ZNF318: variants seen among roughly 807,000 people sequenced by gnomAD.
ZNF318 encodes endocrine regulator.
In ZNF318, 51 loss-of-function variants were observed where a neutral mutation model predicts 124.2. The ratio of observed to expected loss-of-function variants is 0.41; its 90% confidence interval spans 0.33 to 0.52. The LOEUF is 0.52. ZNF318 is among the 20% of genes least tolerant of loss of function. ZNF318 has a pLI of 0.23. For synonymous variants in ZNF318, 1,090 were observed against 1,040.7 expected, an observed-to-expected ratio of 1.05 and a Z score of -0.91; for missense variants, 2,815 against 2,811.2, an observed-to-expected ratio of 1.00 and a Z score of -0.03.
At chr6:43,368,717 G>A in intron 1 of ZNF318, 3 of 985,472 alleles carry the variant, frequency 3.0e-6, no homozygotes, top group Non-Finnish European at 3.6e-6. Flanking sequence ...CACCCGGCAT[G>A]AGAGAAACAG....
At chr6:43,368,382 C>T (rs1315293943) in intron 1 of ZNF318, among the ~76,000 whole-genome samples, 1 of 152,180 alleles carries the variant, frequency 6.6e-6, no homozygotes, top group Non-Finnish European at 1.5e-5. Context: ...AAGTGAAAGG[C>T]TAGGCATAAT....
intron 5 of ZNF318, among the ~76,000 whole-genome samples, chr6:43,351,494 C>CTCGTGCAGTGAG (rs1779523813): frequency 6.6e-6 from 1 of 152,294 alleles, no homozygotes; most frequent in East Asian, 1.9e-4. Context: ...AGTGCAGTGA[C>CTCGTGCAGTGAG]TCATGCCTGT....
Position 43,341,889 on chromosome 6 carries a change from C to T in ZNF318, c.3376+223G>A, listed in dbSNP as rs549237475. Among the ~76,000 whole-genome samples the T allele has an allele frequency of 3.0e-4, 46 of 152,296 alleles. 1 individual carries two copies. The South Asian group carries it at 9.3e-3, about 31-fold the overall frequency. On this transcript the variant is annotated intron_variant, in intron 8 of 9. Transcript: ENST00000361428. ...TAAGTGACATGTCTATGTTTAACAT[C>T]TGTGAATAGATTTTTGGCCATATGG...
intron 1 of ZNF318, 49 bp from the exon 2 acceptor site, chr6:43,365,489 C>T (rs141954862): frequency 9.5e-6 from 15 of 1,574,734 alleles, no homozygotes; most frequent in Non-Finnish European, 1.3e-5. Flanking sequence ...CAAGACATCC[C>T]TACATCCAAA....
intron 4 of ZNF318, 23 bp from the exon 5 acceptor site, chr6:43,352,499 A>G: frequency 2.5e-6 from 4 of 1,589,246 alleles, no homozygotes; most frequent in East Asian, 4.5e-5. Context: ...AAGTGGTAAG[A>G]GAGTCCATCT....
At chr6:43,341,631 CAG>C (rs1022874337) in intron 8 of ZNF318, among the ~76,000 whole-genome samples, 1 of 126,112 alleles carries the variant, frequency 7.9e-6, no homozygotes, top group African/African-American at 3.1e-5. Flanking sequence ...GCCTGGGCAA[CAG>C]AGAGAGACCC....
chr6:43,342,576 T>C, intron 7 of ZNF318, 100 bp downstream of exon 7: 3 of 1,301,650 alleles, frequency 2.3e-6, no homozygotes, highest in South Asian at 2.6e-5. Context: ...CCTGCCCATA[T>C]GAGAATGTTT....
Position 43,354,883 on chromosome 6 carries a change from T to G in ZNF318, c.2451A>C (p.Glu817Asp). The change falls in exon 4 of 10, where the codon GAA (glutamate) becomes GAC (aspartate). Residue 817 changes from glutamate to aspartate, a missense_variant. By Grantham distance (45) the Glu-to-Asp change is conservative. This residue lies in a region of ZNF318 where 1,377 missense variants were observed against 1,353.5 expected (regional missense o/e 1.02). Coordinates refer to ENST00000361428, the MANE Select transcript of ZNF318 (RefSeq NM_014345.3). ...TSQPSNHPVPEPHRIMPITKQ... is the reference protein window; with the variant it reads ...TSQPSNHPVPDPHRIMPITKQ... ...TGGTTATTGGCATTATCCTGTGTGG[T>G]TCAGGTACAGGGTGGTTTGACGGTT... The G allele has an allele frequency of 2.5e-6, 4 of 1,614,016 alleles. No homozygotes were observed. Among genetic ancestry groups the G allele is most frequent in the Non-Finnish European group, 3.4e-6 (4 of 1,179,946 alleles).
intron 1 of ZNF318, among the ~76,000 whole-genome samples, chr6:43,367,708 C>G (rs1019604274): frequency 6.6e-6 from 1 of 152,234 alleles, no homozygotes; most frequent in African/African-American, 2.4e-5. Context: ...AACAAGCATT[C>G]TGTTCTTCCT....
chr6:43,348,902 TG>T (rs986353013), intron 5 of ZNF318, among the ~76,000 whole-genome samples: 22 of 151,706 alleles, frequency 1.5e-4, no homozygotes, highest in African/African-American at 5.3e-4. Context: ...GGCATGGGGG[TG>T]GGCGCCTGTA....
chr6:43,362,210 C>CCAG (rs1422877700), intron 2 of ZNF318, among the ~76,000 whole-genome samples: 1 of 151,880 alleles, frequency 6.6e-6, no homozygotes, highest in African/African-American at 2.4e-5. Context: ...ACCTGTAATC[C>CCAG]CAGCACTTTG....
In ZNF318 at chr6:43,338,661, A is replaced by G; in HGVS notation, c.5337T>C (p.Thr1779=). ...GCTCCTTTACCCTTTCTTTTAGTTCAGTGTTTGTCTCTATCTCACTTTCTC... is the reference window on the plus strand; with the variant it reads ...GCTCCTTTACCCTTTCTTTTAGTTCGGTGTTTGTCTCTATCTCACTTTCTC... ...DCRESEIETN[T]ELKERVKELS... is the part of the protein sequence containing the mutation. The change falls in exon 10 of 10, where the codon ACT becomes ACC. Residue 1779 remains threonine (T), a synonymous_variant. Transcript: ENST00000361428. 1 of 1,614,082 alleles carries G rather than the reference A, an allele frequency of 6.2e-7. No individual in the cohort carries two copies. The highest frequency in any genetic ancestry group is 8.5e-7 in the Non-Finnish European group (1 of 1,180,018).
intron 2 of ZNF318, among the ~76,000 whole-genome samples, chr6:43,358,412 TAA>T (rs1491582932): frequency 8.1e-5 from 8 of 99,076 alleles, no homozygotes; most frequent in Admixed American, 1.2e-4. Flanking sequence ...CACACCCGGC[TAA>T]TTTTTTTTTT....
In ZNF318 at chr6:43,342,808, A is replaced by G. The variant is rs1779388972; in HGVS notation, c.3144T>C (p.Thr1048=). The change falls in exon 7 of 10, where the codon ACT becomes ACC. Residue 1048 remains threonine (T), a synonymous_variant. Transcript: ENST00000361428. ...PKPAESPQSA[T]KQLDQPTAAY... ...CAGCAGTGGGCTGATCCAACTGCTT[A>G]GTGGCTGACTGGGGGCTTTCGGCAG... The G allele has an allele frequency of 1.2e-6, 2 of 1,614,186 alleles. No individual in the cohort carries two copies. Among genetic ancestry groups the G allele is most frequent in the Non-Finnish European group, 1.7e-6 (2 of 1,180,024 alleles).
rs1349751030 is a variant in ZNF318, at chr6:43,339,580, A to C, written c.4418T>G (p.Leu1473Trp). Residue 1473 changes from leucine (L) to tryptophan (W), a missense_variant, in exon 10 of 10, where the codon TTG becomes TGG. Leu to Trp is a moderately conservative substitution (Grantham distance 61, BLOSUM62 -2). Coordinates refer to ENST00000361428, the MANE Select transcript of ZNF318 (RefSeq NM_014345.3). This position sits in a 1 kb window ranked among gnomAD's most constrained non-coding sequence, Gnocchi z 4.2. ...APSAAQANAI[L>W]APVKSNPVVS... ...AACTGGGTTTGATTTTACTGGAGCC[A>C]AGATAGCATTTGCTTGAGCAGCAGA... The C allele has an allele frequency of 6.2e-6, 10 of 1,612,676 alleles. 1 individual carries two copies. The South Asian group carries it at 8.8e-5, about 14-fold the overall frequency.
In ZNF318 at chr6:43,339,973, G is replaced by T. The variant is rs530598264; in HGVS notation, c.4025C>A (p.Thr1342Asn). 8 of 1,614,076 alleles carry T rather than the reference G, an allele frequency of 5.0e-6. No homozygotes were observed. In the South Asian group the frequency reaches 8.8e-5, roughly 18 times the overall value. The change falls in exon 10 of 10, where the codon ACT becomes AAT. Residue 1342 changes from threonine to asparagine, a missense_variant. Physicochemically the swap from Thr to Asn is moderately conservative, Grantham distance 65. This residue lies in a region of ZNF318 where 500 missense variants were observed against 605.2 expected (regional missense o/e 0.83). Transcript: ENST00000361428. The surrounding 1 kb of genome is among the most constrained non-coding windows in gnomAD (Gnocchi z 4.2). The stretch of plus-strand genomic sequence containing the variant: ...GGGTCGGATCTTAGTCTGTGTGGAA[G>T]TTGTCACAACAGGCATCCAAGGGCT... The part of the protein sequence containing the change: ...HTSPWMPVVT[T>N]STQTKIRPNL...
At chr6:43,356,343 A>G (rs931611273) in intron 3 of ZNF318, among the ~76,000 whole-genome samples, 198 bp from the exon 4 acceptor site, 10 of 152,240 alleles carry the variant, frequency 6.6e-5, no homozygotes, top group African/African-American at 2.4e-4. Context: ...TTGAGGAGAA[A>G]CAGGAAGTGA....
Position 43,365,450 on chromosome 6 carries a change from T to C in ZNF318, c.400-10A>G. On this transcript the variant is annotated splice_polypyrimidine_tract_variant and intron_variant, in intron 1 of 9. Transcript: ENST00000361428. ...GACCAGGAGAGCGTCTCTACAAAAG[T>C]AAAGGATAATATGGTTAGTCAATAG... 6.2e-7 allele frequency: 1 copy of C among 1,611,436 alleles called. No individual in the cohort carries two copies.
chr6:43,358,606 T>G (rs917590760), intron 2 of ZNF318, among the ~76,000 whole-genome samples: 7 of 151,458 alleles, frequency 4.6e-5, no homozygotes, highest in African/African-American at 1.5e-4. Flanking sequence ...CAGGCTGGAG[T>G]GCAGTGGCAT....
Sources: gnomAD v4.1 joint callset for allele counts (sites outside exome capture counted in the v4.1 genomes callset) on GRCh38, gnomAD v4.1.1 for gene constraint, gnomAD v4.1.1 regional missense constraint, Gnocchi (gnomAD v3.1) non-coding constraint, MANE v1.5 for transcripts, NCBI Gene and HGNC (gene_info 2026-07-23, HGNC 2026-07-21) for gene names.